NRG2: variants seen among roughly 807,000 people sequenced by gnomAD.
NRG2 encodes the protein pro-neuregulin-2, membrane-bound isoform.
NRG2 carries 27 observed loss-of-function variants against 73.9 expected under a neutral mutation model. The observed-to-expected ratio is 0.37, with a 90% CI of 0.27 to 0.50. The LOEUF is 0.50. Ranked by LOEUF, NRG2 falls within the 20% of genes least tolerant of loss-of-function variation. The pLI is 0.96. For missense variants in NRG2, 1,126 were observed against 1,210.1 expected, an observed-to-expected ratio of 0.93 and a Z score of 1.03; for synonymous variants, 532 against 541.0, an observed-to-expected ratio of 0.98 and a Z score of 0.23.
At chr5:140,021,314 T>C (rs567086753) in intron 1 of NRG2, among the ~76,000 whole-genome samples, 1 of 152,338 alleles carries the variant, frequency 6.6e-6, no homozygotes, top group Admixed American at 6.5e-5. Context: ...GTCTGTGCTT[T>C]CTGTTTTATG....
chr5:140,015,907 G>A (rs1759729334), intron 1 of NRG2, among the ~76,000 whole-genome samples: 1 of 152,172 alleles, frequency 6.6e-6, no homozygotes, highest in South Asian at 2.1e-4. Context: ...CCCAGAAACT[G>A]GAAAATCAAG....
chr5:139,942,135 C>T (rs1753446071), intron 1 of NRG2, among the ~76,000 whole-genome samples: 2 of 152,164 alleles, frequency 1.3e-5, no homozygotes. Flanking sequence ...AATTTTACTA[C>T]TGTTAAATCA....
At chr5:139,960,231 C>T (rs953817148) in intron 1 of NRG2, among the ~76,000 whole-genome samples, 8 of 152,026 alleles carry the variant, frequency 5.3e-5, no homozygotes, top group South Asian at 2.1e-4. Flanking sequence ...ATTATGGCAT[C>T]GGGCCAGGCC....
At chr5:140,021,252 C>A (rs1760200094) in intron 1 of NRG2, among the ~76,000 whole-genome samples, 1 of 152,152 alleles carries the variant, frequency 6.6e-6, no homozygotes, top group African/African-American at 2.4e-5. Flanking sequence ...GGTCACAGAG[C>A]CAGTAAGTGA....
At chr5:140,000,823 A>T (rs1160092351) in intron 1 of NRG2, among the ~76,000 whole-genome samples, 4 of 152,190 alleles carry the variant, frequency 2.6e-5, no homozygotes, top group Admixed American at 2.0e-4. Flanking sequence ...TGCTCTCCCT[A>T]GCTTCAATCC....
intron 1 of NRG2, among the ~76,000 whole-genome samples, chr5:140,038,755 T>G (rs1001476650): frequency 1.3e-5 from 2 of 152,122 alleles, no homozygotes; most frequent in Admixed American, 6.5e-5. Flanking sequence ...AAGAATGCAG[T>G]CTGCCGAGGA....
intron 1 of NRG2, among the ~76,000 whole-genome samples, chr5:139,943,069 G>A (rs1753522002): frequency 6.6e-6 from 1 of 152,136 alleles, no homozygotes; most frequent in Non-Finnish European, 1.5e-5. Context: ...TTGAGCTCCT[G>A]ACTTCAGATT....
chr5:139,871,361 G>T (rs561099899), intron 4 of NRG2, among the ~76,000 whole-genome samples: 45 of 152,300 alleles, frequency 3.0e-4, no homozygotes, highest in African/African-American at 1.1e-3. Flanking sequence ...GGAAAAGAGG[G>T]GGGGAAAGAG....
chr5:139,985,244 G>T (rs1442761461), intron 1 of NRG2, among the ~76,000 whole-genome samples: 1 of 151,704 alleles, frequency 6.6e-6, no homozygotes. Context: ...AGAGGCTGAG[G>T]CAGGAGAATC....
intron 1 of NRG2, among the ~76,000 whole-genome samples, chr5:139,900,420 A>G (rs1764800821): frequency 6.6e-6 from 1 of 152,192 alleles, no homozygotes; most frequent in Non-Finnish European, 1.5e-5. Context: ...AGTCTTGATG[A>G]GAGGATGGCT....
rs1460639847 is a variant in NRG2 at position 139,852,523 on chromosome 5, T to C, written c.1453A>G (p.Ile485Val). 6.2e-7 allele frequency: 1 copy of C among 1,614,172 alleles called. No homozygotes were observed. The highest frequency in any genetic ancestry group is 1.1e-5 in the South Asian group (1 of 91,078). ...SKNVPATDHV[I>V]RRETETTFSG... ...AAGGTGGTCTCAGTTTCTCTCCTGATGACATGGTCTGTGGCTGGCACGTTC... is the reference window on the plus strand; with the variant it reads ...AAGGTGGTCTCAGTTTCTCTCCTGACGACATGGTCTGTGGCTGGCACGTTC... The change falls in exon 8 of 10, where the codon ATC becomes GTC. Residue 485 changes from isoleucine to valine, a missense_variant. Ile to Val is a conservative substitution (Grantham distance 29, BLOSUM62 3). Around this residue, in one of 3 missense-constraint regions of NRG2, gnomAD observed 539 missense variants for 703.2 expected, o/e 0.77. Transcript: ENST00000361474. This position sits in a 1 kb window ranked among gnomAD's most constrained non-coding sequence, Gnocchi z 4.4.
chr5:139,960,310 T>A (rs1580821572), intron 1 of NRG2, among the ~76,000 whole-genome samples: 1 of 151,298 alleles, frequency 6.6e-6, no homozygotes, highest in African/African-American at 2.4e-5. Context: ...AGGTCGGGAG[T>A]TCGAGACCAG....
chr5:139,928,942 T>G (rs1474213219), intron 1 of NRG2, among the ~76,000 whole-genome samples: 1 of 152,212 alleles, frequency 6.6e-6, no homozygotes, highest in Non-Finnish European at 1.5e-5. Context: ...CTACTCATTC[T>G]CATCATGGCC....
chr5:139,862,323 C>G (rs1274395054), intron 5 of NRG2, among the ~76,000 whole-genome samples: 2 of 152,162 alleles, frequency 1.3e-5, no homozygotes, highest in Non-Finnish European at 2.9e-5. Flanking sequence ...GAGGGCCTGG[C>G]CAGTCACTGG....
intron 1 of NRG2, among the ~76,000 whole-genome samples, chr5:139,962,301 G>C (rs564282829): frequency 6.6e-6 from 1 of 152,300 alleles, no homozygotes; most frequent in East Asian, 1.9e-4. Flanking sequence ...GGCTGTGTTG[G>C]AGACAAACTA....
chr5:139,936,856 C>A (rs1752888275), intron 1 of NRG2, among the ~76,000 whole-genome samples: 1 of 152,180 alleles, frequency 6.6e-6, no homozygotes, highest in Admixed American at 6.5e-5. Flanking sequence ...GGCTGGAGTG[C>A]AGTGATGTGA....
chr5:139,908,070 C>G (rs1765352797), intron 1 of NRG2, among the ~76,000 whole-genome samples: 1 of 152,254 alleles, frequency 6.6e-6, no homozygotes, highest in South Asian at 2.1e-4. Flanking sequence ...CATTCACAGT[C>G]ATGTACCCAG....
At chr5:139,944,637 A>G (rs1328136638) in intron 1 of NRG2, among the ~76,000 whole-genome samples, 1 of 151,728 alleles carries the variant, frequency 6.6e-6, no homozygotes, top group Non-Finnish European at 1.5e-5. Flanking sequence ...TATGTACCCC[A>G]TTTTCTTTGT....
chr5:139,965,617 T>C (rs925800341), intron 1 of NRG2, among the ~76,000 whole-genome samples: 1 of 152,254 alleles, frequency 6.6e-6, no homozygotes, highest in African/African-American at 2.4e-5. Context: ...CTCTGACACT[T>C]CTGCTGATGA....
Sources: allele counts gnomAD v4.1 joint callset (sites outside exome capture counted in the v4.1 genomes callset), GRCh38; gene constraint gnomAD v4.1.1; regional missense constraint gnomAD v4.1.1; non-coding constraint Gnocchi (gnomAD v3.1); transcripts MANE v1.5; gene names NCBI Gene and HGNC (gene_info 2026-07-23, HGNC 2026-07-21).